The following HIGD1C variants were observed in gnomAD, a reference collection of about 807,000 sequenced individuals.
HIGD1C encodes the protein HIG1 domain family member 1C.
In HIGD1C, 11 loss-of-function variants were observed where a neutral mutation model predicts 13.1. The observed-to-expected ratio is 0.84, with a 90% CI of 0.53 to 1.39. The LOEUF is 1.39. Ranked by LOEUF, HIGD1C falls within the 40% of genes most tolerant of loss-of-function variation. HIGD1C has a pLI of 0.00. For synonymous variants in HIGD1C, 36 were observed against 37.7 expected (o/e 0.95, Z 0.17); for missense variants, 110 against 112.0 (o/e 0.98, Z 0.08).
At chr12:50,949,583 G>A (rs570913851), upstream of HIGD1C, among the ~76,000 whole-genome samples, 1 of 140,310 alleles carries the variant, frequency 7.1e-6, no homozygotes, top group East Asian at 2.2e-4. Context: ...GTCCAGGCTG[G>A]AATGCAGTGG....
At chr12:50,952,589 C>T (rs1938934039), upstream of HIGD1C, among the ~76,000 whole-genome samples, 1 of 152,166 alleles carries the variant, frequency 6.6e-6, no homozygotes, top group African/African-American at 2.4e-5. Flanking sequence ...GTCTCCACAG[C>T]CCCACTCAGG....
chr12:50,956,678 AT>A (rs1939108502), intron 1 of HIGD1C, among the ~76,000 whole-genome samples: 1 of 152,156 alleles, frequency 6.6e-6, no homozygotes. Flanking sequence ...TCATACGTGC[AT>A]TTCTGTGTAT....
the HIGD1C span, among the ~76,000 whole-genome samples, chr12:50,946,232 G>A: frequency 1.3e-5 from 2 of 152,166 alleles, no homozygotes; most frequent in Admixed American, 6.5e-5. Flanking sequence ...TGACAAATGG[G>A]ATCTAATTAA....
upstream of HIGD1C, among the ~76,000 whole-genome samples, chr12:50,951,849 G>A (rs1938907054): frequency 6.7e-6 from 1 of 150,266 alleles, no homozygotes; most frequent in Non-Finnish European, 1.5e-5. Flanking sequence ...TTGAACCAAG[G>A]AGACAGAGGT....
upstream of HIGD1C, among the ~76,000 whole-genome samples, chr12:50,951,779 G>A (rs1002899803): frequency 3.3e-5 from 5 of 151,898 alleles, no homozygotes; most frequent in East Asian, 5.8e-4. Context: ...AAAATTAGCC[G>A]GGCGTGGTGT....
intron 2 of HIGD1C, among the ~76,000 whole-genome samples, chr12:50,969,702 CAAA>C (rs757808017): frequency 8.9e-6 from 1 of 112,758 alleles, no homozygotes; most frequent in Admixed American, 9.1e-5. Flanking sequence ...GACTCCATCT[CAAA>C]AAAAAAAAAA....
the HIGD1C span, among the ~76,000 whole-genome samples, chr12:50,937,399 T>C: frequency 6.6e-6 from 1 of 152,174 alleles, no homozygotes; most frequent in Non-Finnish European, 1.5e-5. Context: ...TCACAAAAAC[T>C]TGGAGGCACC....
rs71089717 is a variant in HIGD1C, at chr12:50,957,937, G to GGTGTGTGTGTGTGTGTGTGT, written c.95-3002_95-2983dup. ...GAGACTACTGTATTCATGAATTGGA[G>GGTGTGTGTGTGTGTGTGTGT]GTGTGTGTGTGTGTGTGTGTGTGTG... On this transcript the variant is annotated intron_variant, in intron 1 of 2. Transcript: ENST00000398455. 1.1e-3 allele frequency among the ~76,000 whole-genome samples: 149 copies of GGTGTGTGTGTGTGTGTGTGT among 132,500 alleles called. 1 individual carries two copies. Among genetic ancestry groups the GGTGTGTGTGTGTGTGTGTGT allele is most frequent in the African/African-American group, 2.5e-3 (91 of 36,660 alleles). The allele number at this position is 132,500 out of a possible 152,430, so 86.9% of individuals were successfully genotyped here.
chr12:50,964,618 T>G (rs146540672), intron 2 of HIGD1C, among the ~76,000 whole-genome samples: 162 of 152,304 alleles, frequency 1.1e-3, no homozygotes, highest in African/African-American at 3.8e-3. Flanking sequence ...TATTAGGCAG[T>G]GAAAGCATAC....
chr12:50,939,649 A>G, the HIGD1C span, among the ~76,000 whole-genome samples: 1 of 152,150 alleles, frequency 6.6e-6, no homozygotes, highest in Non-Finnish European at 1.5e-5. Flanking sequence ...CATTGCATCT[A>G]ATATCATTAT....
chr12:50,937,758 A>G, the HIGD1C span, among the ~76,000 whole-genome samples: 1 of 152,180 alleles, frequency 6.6e-6, no homozygotes, highest in African/African-American at 2.4e-5. Context: ...TTCTGCAGGC[A>G]GGACATCCCA....
In HIGD1C at chr12:50,964,701, A is replaced by C. The variant is rs543295944; in HGVS notation, c.229+3599A>C. 6.6e-5 allele frequency among the ~76,000 whole-genome samples: 10 copies of C among 152,354 alleles called. No individual in the cohort carries two copies. In the South Asian group the frequency reaches 2.1e-3, roughly 32 times the overall value. Reference sequence around the variant, plus strand: ...AAAGATATACAGAAAAAAGCATTCAACCAGATTAACAGCTGCATACCAAAA... The same window carrying C: ...AAAGATATACAGAAAAAAGCATTCACCCAGATTAACAGCTGCATACCAAAA... On this transcript the variant is annotated intron_variant, in intron 2 of 2. Coordinates refer to ENST00000398455, the Ensembl canonical transcript of HIGD1C.
chr12:50,957,983 T>TGTA (rs985365386), intron 1 of HIGD1C, among the ~76,000 whole-genome samples: 1 of 140,264 alleles, frequency 7.1e-6, no homozygotes, highest in Non-Finnish European at 1.6e-5. Context: ...TGTGTGTGTG[T>TGTA]GTAGTAGAGG....
At chr12:50,955,602 G>A (rs2139787595) in intron 1 of HIGD1C, among the ~76,000 whole-genome samples, 1 of 152,262 alleles carries the variant, frequency 6.6e-6, no homozygotes, top group African/African-American at 2.4e-5. Flanking sequence ...CCCGTTAAGT[G>A]TTACTCTGAC....
chr12:50,947,637 T>C, the HIGD1C span, among the ~76,000 whole-genome samples: 2 of 152,206 alleles, frequency 1.3e-5, no homozygotes, highest in East Asian at 3.8e-4. Context: ...CCCTTTGCCA[T>C]GTAATGTAAC....
the HIGD1C span, among the ~76,000 whole-genome samples, chr12:50,937,611 G>A: frequency 3.3e-5 from 5 of 152,182 alleles, no homozygotes; most frequent in African/African-American, 1.2e-4. Flanking sequence ...CATTCGGCGG[G>A]TCCCTCGGTG....
downstream of HIGD1C, among the ~76,000 whole-genome samples, chr12:50,970,801 C>T (rs937747307): frequency 3.9e-5 from 6 of 152,150 alleles, no homozygotes; most frequent in Non-Finnish European, 7.4e-5. Context: ...ATCTGTCAAA[C>T]TAATGATAAT....
chr12:50,968,401 G>T lies in HIGD1C; in HGVS notation c.230-2041G>T, dbSNP rs140003974. Among the ~76,000 whole-genome samples the T allele has an allele frequency of 5.8e-3, 876 of 151,368 alleles. 2 individuals are homozygous for T. Among genetic ancestry groups the T allele is most frequent in the Non-Finnish European group, 9.9e-3 (671 of 67,736 alleles). ...ACTGATTCTTTTTTTGTGTGTGTGTGGGGGGAGACAGGGTCTTGCTCTGTC... is the reference window on the plus strand; with the variant it reads ...ACTGATTCTTTTTTTGTGTGTGTGTTGGGGGAGACAGGGTCTTGCTCTGTC... On this transcript the variant is annotated intron_variant, in intron 2 of 2. Transcript: ENST00000398455.
intron 2 of HIGD1C, 129 bp from the exon 5 acceptor site, chr12:50,970,313 G>T (rs1939716014): frequency 3.0e-6 from 2 of 663,394 alleles, no homozygotes; most frequent in Non-Finnish European, 5.3e-6. Context: ...CCAAAAACTA[G>T]TAAGAAGGAG....
Sources: gnomAD v4.1 joint callset for allele counts (sites outside exome capture counted in the v4.1 genomes callset) on GRCh38, gnomAD v4.1.1 for gene constraint, MANE v1.5 for transcripts, NCBI Gene and HGNC (gene_info 2026-07-23, HGNC 2026-07-21) for gene names.